DCAF5: variants seen among roughly 807,000 people sequenced by gnomAD.
DCAF5 encodes the protein DDB1 and CUL4 associated factor 5, also known as DDB1- and CUL4-associated factor 5.
DCAF5 carries 9 observed loss-of-function variants against 80.7 expected under a neutral mutation model. The observed-to-expected ratio is 0.11, with a 90% CI of 0.07 to 0.19. The LOEUF is 0.19. Among genes scored for constraint, DCAF5 ranks in the 10% least tolerant of loss-of-function variants. The probability of loss-of-function intolerance (pLI) is 1.00; values close to 1 mark genes in which losing one functional copy is unlikely to be tolerated. For missense variants in DCAF5, 842 were observed against 1,205.7 expected (o/e 0.70, Z 4.47); for synonymous variants, 433 against 461.9 (o/e 0.94, Z 0.80).
intron 5 of DCAF5, among the ~76,000 whole-genome samples, chr14:69,110,677 AC>A (rs1429883514): frequency 6.6e-6 from 1 of 151,986 alleles, no homozygotes; most frequent in Non-Finnish European, 1.5e-5. Context: ...GGAGATCGAG[AC>A]CAGCCTGGGT....
intron 5 of DCAF5, among the ~76,000 whole-genome samples, chr14:69,101,217 T>A (rs2039940618): frequency 6.6e-6 from 1 of 152,204 alleles, no homozygotes; most frequent in African/African-American, 2.4e-5. Context: ...TTATTCCACC[T>A]ATTAAAAAGA....
At chr14:69,149,254 G>A (rs1417354236) in intron 1 of DCAF5, among the ~76,000 whole-genome samples, 1 of 152,196 alleles carries the variant, frequency 6.6e-6, no homozygotes, top group South Asian at 2.1e-4. Flanking sequence ...AAATGACACA[G>A]CAATGATGTT....
chr14:69,077,623 C>T (rs1303471955), intron 6 of DCAF5, among the ~76,000 whole-genome samples: 1 of 152,108 alleles, frequency 6.6e-6, no homozygotes, highest in African/African-American at 2.4e-5. Flanking sequence ...AGGGATCCTC[C>T]TGCCTCAGCC....
At chr14:69,059,858 A>T (rs552236684) in intron 8 of DCAF5, among the ~76,000 whole-genome samples, 12 of 152,314 alleles carry the variant, frequency 7.9e-5, no homozygotes, top group Admixed American at 3.9e-4. Flanking sequence ...ATCCCATGCA[A>T]ACTAGGGAGC....
intron 5 of DCAF5, among the ~76,000 whole-genome samples, chr14:69,105,929 A>ATATATATATATATATATATATC (rs1457390784): frequency 8.4e-5 from 7 of 83,014 alleles, no homozygotes; most frequent in Non-Finnish European, 1.2e-4. Flanking sequence ...ATATATATAT[A>ATATATATATATATATATATATC]TATATATATA....
At chr14:69,059,358 G>C (rs926682845) in intron 8 of DCAF5, among the ~76,000 whole-genome samples, 3 of 152,328 alleles carry the variant, frequency 2.0e-5, no homozygotes, top group South Asian at 4.1e-4. Context: ...AGAAAGAAGG[G>C]GGAGTAGAGA....
intron 1 of DCAF5, among the ~76,000 whole-genome samples, chr14:69,143,450 A>G (rs1320195950): frequency 1.3e-5 from 2 of 152,056 alleles, no homozygotes; most frequent in African/African-American, 4.8e-5. Flanking sequence ...AACTTACAAA[A>G]CATTCTTTTA....
In DCAF5 at chr14:69,053,850, G is replaced by C. The variant is rs377495549; in HGVS notation, c.*7C>G. ...TTTTGTAGCTTTTTGTTTTCCCTTT[G>C]TATTTATCATGTTTTTAATTTCTTC... On this transcript the variant is annotated 3_prime_UTR_variant, in exon 9 of 9. Transcript: ENST00000341516. 316 of 1,545,786 alleles carry C rather than the reference G, an allele frequency of 2.0e-4. 1 individual carries two copies. Among genetic ancestry groups the C allele is most frequent in the African/African-American group, 1.4e-3 (99 of 69,516 alleles).
intron 6 of DCAF5, 84 bp downstream of exon 6, chr14:69,091,590 G>T: frequency 8.1e-7 from 1 of 1,238,862 alleles, no homozygotes; most frequent in Non-Finnish European, 1.2e-6. Flanking sequence ...TGACATAATG[G>T]TAATGAGAAA....
chr14:69,111,194 T>G (rs1462655242), intron 5 of DCAF5, among the ~76,000 whole-genome samples: 1 of 152,244 alleles, frequency 6.6e-6, no homozygotes, highest in African/African-American at 2.4e-5. Flanking sequence ...AGAGATTGTC[T>G]GGCTTGTTCA....
chr14:69,099,518 A>C (rs948974540), intron 5 of DCAF5, among the ~76,000 whole-genome samples: 1 of 152,154 alleles, frequency 6.6e-6, no homozygotes, highest in Non-Finnish European at 1.5e-5. Flanking sequence ...AGGTCTCTAC[A>C]TCTCACATGA....
At chr14:69,082,442 T>C (rs1299351993) in intron 6 of DCAF5, among the ~76,000 whole-genome samples, 1 of 136,490 alleles carries the variant, frequency 7.3e-6, no homozygotes, top group South Asian at 2.6e-4. Context: ...CCAACCTTTA[T>C]GGGTTCTGTG....
rs769623519 is a variant in DCAF5, at chr14:69,054,344, T to C, written c.2342A>G (p.Asn781Ser). The change falls in exon 9 of 9, where the codon AAT becomes AGT. Residue 781 changes from asparagine to serine, a missense_variant. Asn to Ser is a conservative substitution (Grantham distance 46). Transcript: ENST00000341516. ...VEHPFETKKL[N>S]GKALSSRAEE... is the part of the protein sequence containing the mutation. ...AGCCCGACTGCTCAGGGCCTTTCCA[T>C]TGAGCTTCTTGGTTTCAAAAGGGTG... 1 of 1,614,216 alleles carries C rather than the reference T, an allele frequency of 6.2e-7. No homozygotes were observed. The highest frequency in any genetic ancestry group is 8.5e-7 in the Non-Finnish European group (1 of 1,180,040).
At chr14:69,087,383 C>T (rs2039373112) in intron 6 of DCAF5, among the ~76,000 whole-genome samples, 2 of 152,160 alleles carry the variant, frequency 1.3e-5, no homozygotes, top group South Asian at 4.1e-4. Flanking sequence ...AACCTTTGGG[C>T]TCAGGTAGCC....
chr14:69,082,865 G>C (rs1477421222), intron 6 of DCAF5, among the ~76,000 whole-genome samples: 1 of 152,184 alleles, frequency 6.6e-6, no homozygotes. Context: ...AGGAGGATGA[G>C]ACAGGTTATA....
chr14:69,061,032 G>T (rs2038196362), intron 8 of DCAF5, among the ~76,000 whole-genome samples: 1 of 151,108 alleles, frequency 6.6e-6, no homozygotes, highest in Non-Finnish European at 1.5e-5. Flanking sequence ...TTAAACAAGG[G>T]TCTCACTCTG....
At position 69,118,563 on chromosome 14, in the gene DCAF5, T is replaced by G. The variant is rs749359867; in HGVS notation, c.396-285A>C. 1.3e-5 allele frequency among the ~76,000 whole-genome samples: 2 copies of G among 152,226 alleles called. No individual in the cohort carries two copies. Among genetic ancestry groups the G allele is most frequent in the Non-Finnish European group, 2.9e-5 (2 of 68,038 alleles). On this transcript the variant is annotated intron_variant, in intron 3 of 8. Coordinates refer to ENST00000341516, the MANE Select transcript of DCAF5 (RefSeq NM_003861.3). The surrounding 1 kb of genome is among the most constrained non-coding windows in gnomAD (Gnocchi z 4.0). ...TTTTGTATTTTCATTTATTACAGAA[T>G]GCATCTGCTTGTGTACAGATTTGGG...
At chr14:69,139,959 G>A (rs2041314473) in intron 1 of DCAF5, among the ~76,000 whole-genome samples, 1 of 151,632 alleles carries the variant, frequency 6.6e-6, no homozygotes, top group Non-Finnish European at 1.5e-5. Flanking sequence ...AAGGAAAGGA[G>A]AAAGAAAGAA....
At chr14:69,141,162 A>AC (rs1160958531) in intron 1 of DCAF5, among the ~76,000 whole-genome samples, 4 of 147,146 alleles carry the variant, frequency 2.7e-5, no homozygotes, top group Admixed American at 6.7e-5. Flanking sequence ...AAAAAAAAAA[A>AC]AAAAAAGTGG....
Sources: allele counts gnomAD v4.1 joint callset (sites outside exome capture counted in the v4.1 genomes callset), GRCh38; gene constraint gnomAD v4.1.1; non-coding constraint Gnocchi (gnomAD v3.1); transcripts MANE v1.5; gene names NCBI Gene and HGNC (gene_info 2026-07-23, HGNC 2026-07-21).